Variants in LRRC7 observed in about 807,000 individuals in gnomAD.
The protein encoded by LRRC7 is leucine-rich repeat-containing protein 7.
Under a neutral mutation model 175.7 loss-of-function variants are expected in LRRC7, and 23 were observed. The ratio of observed to expected loss-of-function variants is 0.13; its 90% CI spans 0.09 to 0.19. The LOEUF (loss-of-function observed/expected upper bound fraction) is 0.19. Among genes scored for constraint, LRRC7 ranks in the 10% least tolerant of loss-of-function variants. LRRC7 has a pLI of 1.00. For missense variants in LRRC7, 1,354 were observed against 1,904.7 expected (o/e 0.71, Z 5.38); for synonymous variants, 685 against 680.9 (o/e 1.01, Z -0.09).
At chr1:70,062,539 TAAGA>T (rs1458678592) in intron 23 of LRRC7, among the ~76,000 whole-genome samples, 1 of 152,018 alleles carries the variant, frequency 6.6e-6, no homozygotes, top group Non-Finnish European at 1.5e-5. Flanking sequence ...ATTATTGATA[TAAGA>T]TAGAGATGGT....
intron 1 of LRRC7, among the ~76,000 whole-genome samples, chr1:69,601,179 C>T (rs76447695): frequency 6.6e-6 from 1 of 152,038 alleles, no homozygotes; most frequent in Non-Finnish European, 1.5e-5. Flanking sequence ...TGTACTATTG[C>T]GGTAAGAGTG....
chr1:69,786,195 G>A (rs1433275533), intron 3 of LRRC7, among the ~76,000 whole-genome samples: 6 of 151,966 alleles, frequency 3.9e-5, no homozygotes, highest in African/African-American at 9.7e-5. Flanking sequence ...TGGCACTTGG[G>A]GCAATACTAA....
chr1:69,694,531 A>C (rs1055194188), intron 2 of LRRC7, among the ~76,000 whole-genome samples: 6 of 151,944 alleles, frequency 3.9e-5, no homozygotes, highest in Non-Finnish European at 8.8e-5. Context: ...CAATTTTTTG[A>C]CCTGGTGATA....
chr1:69,618,427 T>A (rs1352488035), intron 1 of LRRC7, among the ~76,000 whole-genome samples: 1 of 152,194 alleles, frequency 6.6e-6, no homozygotes, highest in African/African-American at 2.4e-5. Context: ...TTCTTTCATC[T>A]TCATTCCAGT....
Position 70,137,672 on chromosome 1 carries a change from G to C in LRRC7, c.*15785G>C, listed in dbSNP as rs1666923636. Among the ~76,000 whole-genome samples, 1 of 152,188 alleles carries C rather than the reference G, an allele frequency of 6.6e-6. No individual in the cohort carries two copies. Among genetic ancestry groups the C allele is most frequent in the Non-Finnish European group, 1.5e-5 (1 of 68,030 alleles). On this transcript the variant is annotated 3_prime_UTR_variant, in exon 27 of 27. Coordinates refer to ENST00000651989, the MANE Select transcript of LRRC7 (RefSeq NM_001370785.2). ...GAAGTATAAAAACTAAAGAATGCCTGGAACTATGCAGACATAGATCAAGTC... is the reference window on the plus strand; with the variant it reads ...GAAGTATAAAAACTAAAGAATGCCTCGAACTATGCAGACATAGATCAAGTC...
At chr1:69,997,768 A>G (rs944807364) in intron 11 of LRRC7, among the ~76,000 whole-genome samples, 22 of 151,872 alleles carry the variant, frequency 1.4e-4, no homozygotes, top group South Asian at 4.2e-4. Context: ...ATCATGGTGG[A>G]TAAGCTTTTT....
intron 2 of LRRC7, among the ~76,000 whole-genome samples, chr1:69,691,422 G>A (rs993177168): frequency 6.6e-6 from 1 of 152,080 alleles, no homozygotes; most frequent in African/African-American, 2.4e-5. Flanking sequence ...TTATCTGTCT[G>A]TCACTAACAT....
At chr1:69,781,913 GAAGAAAGAAAGAAAGA>G (rs760972258) in intron 3 of LRRC7, among the ~76,000 whole-genome samples, 2 of 68,032 alleles carry the variant, frequency 2.9e-5, no homozygotes, top group Admixed American at 3.1e-4. Context: ...GAAAGAAAAA[GAAGAAAGAAAGAAAGA>G]AAGAAAGAAA....
chr1:69,656,311 T>C (rs1225381922), intron 1 of LRRC7, among the ~76,000 whole-genome samples: 1 of 152,024 alleles, frequency 6.6e-6, no homozygotes. Flanking sequence ...GATGGTATAT[T>C]GTCAGTTTGA....
At chr1:69,785,122 T>A (rs1569846717) in intron 3 of LRRC7, among the ~76,000 whole-genome samples, 1 of 152,288 alleles carries the variant, frequency 6.6e-6, no homozygotes, top group East Asian at 1.9e-4. Context: ...GTCTGTTTTT[T>A]AGTCAATTAT....
chr1:69,864,157 G>GA (rs1285349364), intron 7 of LRRC7, among the ~76,000 whole-genome samples: 2 of 151,584 alleles, frequency 1.3e-5, no homozygotes, highest in Admixed American at 6.6e-5. Context: ...TGCTCTCTTA[G>GA]AAAAAAAAGA....
At chr1:69,628,950 C>G (rs573440544) in intron 1 of LRRC7, among the ~76,000 whole-genome samples, 2 of 152,048 alleles carry the variant, frequency 1.3e-5, no homozygotes, top group Admixed American at 6.6e-5. Flanking sequence ...AGACCTTACA[C>G]CCTTCACAAA....
At chr1:70,078,428 G>C (rs1427316171) in intron 24 of LRRC7, among the ~76,000 whole-genome samples, 1 of 152,036 alleles carries the variant, frequency 6.6e-6, no homozygotes, top group African/African-American at 2.4e-5. Context: ...GAAGTTGTGG[G>C]AAAAATTATA....
intron 7 of LRRC7, among the ~76,000 whole-genome samples, chr1:69,902,489 T>G (rs1646162995): frequency 6.6e-6 from 1 of 152,116 alleles, no homozygotes; most frequent in African/African-American, 2.4e-5. Flanking sequence ...AAGAATTGCT[T>G]GAACCCAGGA....
intron 1 of LRRC7, among the ~76,000 whole-genome samples, chr1:69,633,129 C>A (rs1652770006): frequency 6.6e-6 from 1 of 151,852 alleles, no homozygotes; most frequent in East Asian, 1.9e-4. Context: ...CAAGTTTGAC[C>A]TGGAACTATT....
chr1:69,761,963 C>T (rs1671085639), intron 3 of LRRC7, among the ~76,000 whole-genome samples: 1 of 151,702 alleles, frequency 6.6e-6, no homozygotes, highest in South Asian at 2.1e-4. Context: ...CTAGGTCAGG[C>T]CAATCTAGGA....
chr1:69,696,049 C>T (rs897878039), intron 2 of LRRC7, among the ~76,000 whole-genome samples: 5 of 152,194 alleles, frequency 3.3e-5, no homozygotes, highest in South Asian at 4.1e-4. Flanking sequence ...GGCCACTGCC[C>T]TCCAGACCCC....
At chr1:69,766,424 T>C (rs547452752) in intron 3 of LRRC7, among the ~76,000 whole-genome samples, 1 of 152,298 alleles carries the variant, frequency 6.6e-6, no homozygotes, top group Non-Finnish European at 1.5e-5. Context: ...ATTTCACTTA[T>C]AGAGATCACA....
At chr1:70,040,647 C>A (rs1659805307) in intron 21 of LRRC7, among the ~76,000 whole-genome samples, 1 of 151,952 alleles carries the variant, frequency 6.6e-6, no homozygotes, top group Non-Finnish European at 1.5e-5. Flanking sequence ...CCCATCTCTA[C>A]TTAAAATACA....
Sources: gnomAD v4.1 joint callset for allele counts (sites outside exome capture counted in the v4.1 genomes callset) on GRCh38, gnomAD v4.1.1 for gene constraint, MANE v1.5 for transcripts, NCBI Gene and HGNC (gene_info 2026-07-23, HGNC 2026-07-21) for gene names.